ELOVL6: variants seen among roughly 807,000 people sequenced by gnomAD.
ELOVL6 encodes very long chain fatty acid elongase 6.
A neutral mutation model predicts 31.7 loss-of-function variants in ELOVL6; 8 were observed. The ratio of observed to expected loss-of-function variants is 0.25; its 90% CI spans 0.15 to 0.45. The LOEUF (loss-of-function observed/expected upper bound fraction) is 0.45. ELOVL6 is among the 20% of genes least tolerant of loss of function. The pLI is 1.00. For synonymous variants in ELOVL6, 101 were observed against 117.7 expected, an observed-to-expected ratio of 0.86 and a Z score of 0.92; for missense variants, 126 against 326.4, an observed-to-expected ratio of 0.39 and a Z score of 4.73.
chr4:110,160,504 G>T (rs753714325), intron 1 of ELOVL6, among the ~76,000 whole-genome samples: 8 of 152,108 alleles, frequency 5.3e-5, no homozygotes, highest in Non-Finnish European at 8.8e-5. Context: ...TGAAGTCAGG[G>T]ATTAAAAACA....
At chr4:110,105,370 T>TTTCATGTTTTGAAACCAGAGGACA in intron 2 of ELOVL6, 127 bp downstream of exon 2, 2 of 1,009,322 alleles carry the variant, frequency 2.0e-6, no homozygotes, top group Non-Finnish European at 2.9e-6. Flanking sequence ...GAACATGACT[T>TTTCATGTTTTGAAACCAGAGGACA]TATTTTATGT....
Position 110,049,541 on chromosome 4 carries a change from C to T in ELOVL6, c.*1797G>A, listed in dbSNP as rs926922509. ...TAATATAAAAATAATTCGAAAAAATCCCTTTTACTGTACACTCTCAAAGCA... is the reference window on the plus strand; with the variant it reads ...TAATATAAAAATAATTCGAAAAAATTCCTTTTACTGTACACTCTCAAAGCA... On this transcript the variant is annotated 3_prime_UTR_variant, in exon 4 of 4. Coordinates refer to ENST00000302274, the MANE Select transcript of ELOVL6 (RefSeq NM_024090.3). The T allele has an allele frequency of 6.6e-6, 1 of 152,306 alleles. No individual in the cohort carries two copies. The highest frequency in any genetic ancestry group is 1.5e-5 in the Non-Finnish European group (1 of 68,016). The allele number at this position is 152,306 out of a possible 1,614,324, so 9.4% of individuals were successfully genotyped here. A position where few individuals can be genotyped will look rare whatever the true frequency, so the allele number is the denominator to read the frequency against.
At chr4:110,149,524 GACACAGACAAAT>G (rs1209682012) in intron 1 of ELOVL6, among the ~76,000 whole-genome samples, 1 of 152,182 alleles carries the variant, frequency 6.6e-6, no homozygotes, top group Non-Finnish European at 1.5e-5. Flanking sequence ...AAACAATTCA[GACACAGACAAAT>G]ACCACATGTT....
intron 3 of ELOVL6, among the ~76,000 whole-genome samples, chr4:110,058,629 C>A (rs1560800582): frequency 6.6e-6 from 1 of 152,142 alleles, no homozygotes; most frequent in Non-Finnish European, 1.5e-5. Flanking sequence ...AAGTACAACA[C>A]CAAACTCCCT....
At chr4:110,087,213 G>C (rs1309991583) in intron 2 of ELOVL6, among the ~76,000 whole-genome samples, 1 of 152,008 alleles carries the variant, frequency 6.6e-6, no homozygotes, top group Non-Finnish European at 1.5e-5. Flanking sequence ...CCCCCACAAG[G>C]ATTTGATGAA....
chr4:110,177,198 G>A (rs928438763), intron 1 of ELOVL6, among the ~76,000 whole-genome samples: 1 of 152,164 alleles, frequency 6.6e-6, no homozygotes, highest in Non-Finnish European at 1.5e-5. Context: ...CAGTGATTGA[G>A]AGGCTAAGGC....
At chr4:110,143,224 A>G (rs1395499443) in intron 1 of ELOVL6, among the ~76,000 whole-genome samples, 1 of 152,204 alleles carries the variant, frequency 6.6e-6, no homozygotes, top group East Asian at 1.9e-4. Context: ...AGATCAGCTC[A>G]AATAAATAGA....
chr4:110,147,464 G>C (rs773890939), intron 1 of ELOVL6, among the ~76,000 whole-genome samples: 2 of 152,022 alleles, frequency 1.3e-5, no homozygotes, highest in Non-Finnish European at 2.9e-5. Flanking sequence ...TGCACAGCAA[G>C]AGAAATAATT....
chr4:110,120,496 T>G (rs1053579995), intron 1 of ELOVL6, among the ~76,000 whole-genome samples: 5 of 152,272 alleles, frequency 3.3e-5, no homozygotes, highest in Middle Eastern at 3.4e-3. Context: ...GGGTTGCAGC[T>G]CTTCACATAG....
chr4:110,139,742 A>G (rs1979469), intron 1 of ELOVL6, among the ~76,000 whole-genome samples: 35,373 of 152,020 alleles, frequency 0.23, 4,681 homozygotes, highest in East Asian at 0.34. Context: ...CACTTCAGCC[A>G]ACCTCTCATT....
intron 1 of ELOVL6, among the ~76,000 whole-genome samples, chr4:110,163,759 T>A (rs896489674): frequency 6.6e-6 from 1 of 152,202 alleles, no homozygotes; most frequent in African/African-American, 2.4e-5. Context: ...GCTTTCTAAG[T>A]TTCAGAAATA....
chr4:110,109,905 G>A (rs1265201304), intron 1 of ELOVL6, among the ~76,000 whole-genome samples: 2 of 152,170 alleles, frequency 1.3e-5, no homozygotes, highest in Non-Finnish European at 1.5e-5. Context: ...CCTTCATTAT[G>A]GCTACTGTAC....
rs186520303 is a variant in ELOVL6 at position 110,090,586 on chromosome 4, G to T, written c.221+14911C>A. Among the ~76,000 whole-genome samples the T allele has an allele frequency of 2.5e-3, 327 of 129,432 alleles. 2 individuals are homozygous for T. Among genetic ancestry groups the T allele is most frequent in the African/African-American group, 8.4e-3 (274 of 32,690 alleles). 84.9% of individuals were successfully genotyped at this position (129,432 alleles called of 152,430 possible). A position where few individuals can be genotyped will look rare whatever the true frequency, so the allele number is the denominator to read the frequency against. On this transcript the variant is annotated intron_variant, in intron 2 of 3. Coordinates refer to ENST00000302274, the MANE Select transcript of ELOVL6 (RefSeq NM_024090.3). ...AGGTAGGCCTTCCAGGAACTTACAGGAAAGTTTGACTTTCTTTTTTTTTTT... is the reference window on the plus strand; with the variant it reads ...AGGTAGGCCTTCCAGGAACTTACAGTAAAGTTTGACTTTCTTTTTTTTTTT...
intron 1 of ELOVL6, among the ~76,000 whole-genome samples, chr4:110,171,156 C>T (rs1758931274): frequency 6.6e-6 from 1 of 152,146 alleles, no homozygotes. Context: ...GCCTGTAATC[C>T]TAGCACTTTG....
rs1553953520 is a variant in ELOVL6 at position 110,056,126 on chromosome 4, G to GGGA, written c.373+3476_373+3477insTCC. ...AGAGTTTGAGTTTGTGGGAGCTGGG[G>GGGA]GGGGGGATACAGTTTCAGTACTATA... On this transcript the variant is annotated intron_variant, in intron 3 of 3. Transcript: ENST00000302274. Among the ~76,000 whole-genome samples, 67 of 145,232 alleles carry GGGA rather than the reference G, an allele frequency of 4.6e-4. 1 individual carries two copies. Among genetic ancestry groups the GGGA allele is most frequent in the Admixed American group, 3.4e-3 (51 of 14,952 alleles).
chr4:110,123,012 T>A (rs551298886), intron 1 of ELOVL6, among the ~76,000 whole-genome samples: 3 of 152,358 alleles, frequency 2.0e-5, no homozygotes, highest in African/African-American at 7.2e-5. Flanking sequence ...ACACACAAGC[T>A]AACATATCTG....
chr4:110,146,020 C>A (rs1022802750), intron 1 of ELOVL6, among the ~76,000 whole-genome samples: 1 of 151,864 alleles, frequency 6.6e-6, no homozygotes, highest in Admixed American at 6.6e-5. Flanking sequence ...CATATGGAAC[C>A]AAAAAAGAAT....
At chr4:110,096,835 T>C (rs1306501587) in intron 2 of ELOVL6, among the ~76,000 whole-genome samples, 5 of 152,146 alleles carry the variant, frequency 3.3e-5, no homozygotes, top group Non-Finnish European at 7.4e-5. Flanking sequence ...AAAATTGATA[T>C]TAATATAATA....
rs1248776882 is a variant in ELOVL6, at chr4:110,046,116, A to C, written c.*5222T>G. ...GGCAGACCTGTTTGAAACGAGTATGACCAGGGAGGACTGTTAGGCTACTTC... is the reference window on the plus strand; with the variant it reads ...GGCAGACCTGTTTGAAACGAGTATGCCCAGGGAGGACTGTTAGGCTACTTC... On this transcript the variant is annotated 3_prime_UTR_variant, in exon 4 of 4. Transcript: ENST00000302274. The C allele has an allele frequency of 4.6e-5, 7 of 152,122 alleles. No homozygotes were observed. The allele number at this position is 152,122 out of a possible 1,614,324, so 9.4% of individuals were successfully genotyped here.
Sources: allele counts gnomAD v4.1 joint callset (sites outside exome capture counted in the v4.1 genomes callset), GRCh38; gene constraint gnomAD v4.1.1; transcripts MANE v1.5; gene names NCBI Gene and HGNC (gene_info 2026-07-23, HGNC 2026-07-21).